Variants in LYRM4 observed in about 807,000 individuals in gnomAD.
LYRM4 encodes LYR motif-containing protein 4.
In LYRM4, 9 loss-of-function variants were observed where a neutral mutation model predicts 11.7. The observed-to-expected ratio is 0.77, with a 90% CI of 0.46 to 1.34. The LOEUF is 1.34. Ranked by LOEUF, LYRM4 falls within the 40% of genes most tolerant of loss-of-function variation. The pLI is 0.00. For synonymous variants in LYRM4, 42 were observed against 40.4 expected, an observed-to-expected ratio of 1.04 and a Z score of -0.15; for missense variants, 133 against 112.5, an observed-to-expected ratio of 1.18 and a Z score of -0.82.
chr6:5,070,226 G>A, the LYRM4 span, among the ~76,000 whole-genome samples: 1 of 152,128 alleles, frequency 6.6e-6, no homozygotes, highest in Non-Finnish European at 1.5e-5. Context: ...CAGACTCTAG[G>A]AAACTTACAA....
At chr6:5,244,451 G>A (rs1312814782) in intron 1 of LYRM4, among the ~76,000 whole-genome samples, 1 of 152,124 alleles carries the variant, frequency 6.6e-6, no homozygotes, top group East Asian at 1.9e-4. Flanking sequence ...CCCCATCCCT[G>A]CTCGTTCCTT....
At chr6:5,041,567 T>G in the LYRM4 span, among the ~76,000 whole-genome samples, 1 of 152,246 alleles carries the variant, frequency 6.6e-6, no homozygotes, top group Non-Finnish European at 1.5e-5. Context: ...TAATCTCTAT[T>G]TTAATGGGCC....
At chr6:5,242,714 C>T (rs1454197444) in intron 1 of LYRM4, among the ~76,000 whole-genome samples, 1 of 151,766 alleles carries the variant, frequency 6.6e-6, no homozygotes, top group African/African-American at 2.4e-5. Context: ...AGCGAAACCC[C>T]TTCTCAAAAC....
chr6:5,231,323 C>T (rs1311304626), intron 1 of LYRM4, among the ~76,000 whole-genome samples: 2 of 152,146 alleles, frequency 1.3e-5, no homozygotes, highest in Non-Finnish European at 2.9e-5. Flanking sequence ...GCTGCAGGGC[C>T]GAATTCAGGG....
At chr6:5,254,968 G>A (rs185563801) in intron 1 of LYRM4, among the ~76,000 whole-genome samples, 1 of 152,188 alleles carries the variant, frequency 6.6e-6, no homozygotes, top group Admixed American at 6.5e-5. Flanking sequence ...CACAATCTGG[G>A]TTCTGCCATA....
intron 2 of LYRM4, among the ~76,000 whole-genome samples, chr6:5,137,216 C>T (rs1257047879): frequency 6.6e-6 from 1 of 152,192 alleles, no homozygotes; most frequent in Non-Finnish European, 1.5e-5. Context: ...ATGGCTATAC[C>T]ACATGTTGCT....
chr6:5,085,706 T>C, the LYRM4 span: 1 of 1,547,186 alleles, frequency 6.5e-7, no homozygotes, highest in South Asian at 1.2e-5. Context: ...GAGGAGCTGC[T>C]GGAATGCCGC....
intron 1 of LYRM4, among the ~76,000 whole-genome samples, chr6:5,251,181 C>T (rs954533162): frequency 6.6e-6 from 1 of 152,166 alleles, no homozygotes; most frequent in African/African-American, 2.4e-5. Flanking sequence ...TATACATACA[C>T]ACACACACAC....
At chr6:5,089,581 T>C in the LYRM4 span, 1 of 152,236 alleles carries the variant, frequency 6.6e-6, no homozygotes, top group East Asian at 1.9e-4. Context: ...CAGAAGACTT[T>C]CTATTCTGTC....
the LYRM4 span, among the ~76,000 whole-genome samples, chr6:5,038,895 A>G: frequency 8.0e-5 from 9 of 112,332 alleles, no homozygotes; most frequent in African/African-American, 3.7e-4. Flanking sequence ...AGAGAGAGGG[A>G]GAGGGAGAGG....
At chr6:5,221,157 C>A (rs888411704) in intron 1 of LYRM4, among the ~76,000 whole-genome samples, 1 of 152,102 alleles carries the variant, frequency 6.6e-6, no homozygotes, top group African/African-American at 2.4e-5. Flanking sequence ...CCTTTGTGGG[C>A]TCATCTCATT....
At chr6:5,119,613 C>T (rs926755430) in intron 2 of LYRM4, among the ~76,000 whole-genome samples, 1 of 151,692 alleles carries the variant, frequency 6.6e-6, no homozygotes, top group African/African-American at 2.4e-5. Flanking sequence ...GTGACAAGAC[C>T]CCGTCGCTAC....
At chr6:5,241,258 C>T (rs986294672) in intron 1 of LYRM4, among the ~76,000 whole-genome samples, 3 of 152,102 alleles carry the variant, frequency 2.0e-5, no homozygotes, top group African/African-American at 7.2e-5. Flanking sequence ...TGACTCTATA[C>T]TAAATAAAAC....
chr6:5,201,062 G>A (rs1761363161), intron 2 of LYRM4, among the ~76,000 whole-genome samples: 1 of 152,150 alleles, frequency 6.6e-6, no homozygotes, highest in Non-Finnish European at 1.5e-5. Context: ...GTTGTTTTGA[G>A]ATTGGTTATG....
At chr6:5,129,136 G>T (rs571699868) in intron 2 of LYRM4, among the ~76,000 whole-genome samples, 1 of 152,150 alleles carries the variant, frequency 6.6e-6, no homozygotes, top group African/African-American at 2.4e-5. Flanking sequence ...TGTGATCTTC[G>T]GACTGCGTCT....
chr6:5,217,711 TAC>T (rs2127725214), intron 1 of LYRM4, among the ~76,000 whole-genome samples: 1 of 152,334 alleles, frequency 6.6e-6, no homozygotes, highest in Non-Finnish European at 1.5e-5. Context: ...CCTGCATCCT[TAC>T]AGTCACACCA....
At chr6:5,061,035 G>C in the LYRM4 span, among the ~76,000 whole-genome samples, 1 of 152,168 alleles carries the variant, frequency 6.6e-6, no homozygotes, top group Admixed American at 6.5e-5. Flanking sequence ...AGGGGACACA[G>C]GAGAGGCTCA....
chr6:5,227,495 C>T (rs1481528316), intron 1 of LYRM4, among the ~76,000 whole-genome samples: 1 of 152,078 alleles, frequency 6.6e-6, no homozygotes. Context: ...CATAGGAACA[C>T]CAGAAATAGG....
intron 1 of LYRM4, among the ~76,000 whole-genome samples, chr6:5,259,135 AC>A (rs1347010151): frequency 6.6e-6 from 1 of 152,118 alleles, no homozygotes; most frequent in African/African-American, 2.4e-5. Context: ...TCTCACATAA[AC>A]CCTCTCCCTG....
Sources: allele counts gnomAD v4.1 joint callset (sites outside exome capture counted in the v4.1 genomes callset), GRCh38; gene constraint gnomAD v4.1.1; transcripts MANE v1.5; gene names NCBI Gene and HGNC (gene_info 2026-07-23, HGNC 2026-07-21).